Variants in CDIN1 observed in about 807,000 individuals in gnomAD.
The protein encoded by CDIN1 is CDAN1-interacting nuclease 1.
Under a neutral mutation model 45.3 loss-of-function variants are expected in CDIN1, and 33 were observed. The observed-to-expected ratio is 0.73, with a 90% CI of 0.55 to 0.97. The LOEUF is 0.97. Among genes scored for constraint, CDIN1 ranks in the 50% least tolerant of loss-of-function variants. The probability of loss-of-function intolerance (pLI) is 0.00; values close to 1 mark genes in which losing one functional copy is unlikely to be tolerated. For synonymous variants in CDIN1, 118 were observed against 124.4 expected (o/e 0.95, Z 0.34); for missense variants, 303 against 339.4 (o/e 0.89, Z 0.84).
At position 36,776,898 on chromosome 15, in the gene CDIN1, C is replaced by T. The variant is rs1000563885; in HGVS notation, c.717-31426C>T. 5.3e-5 allele frequency among the ~76,000 whole-genome samples: 8 copies of T among 152,150 alleles called. No individual in the cohort carries two copies. In the South Asian group the frequency reaches 8.3e-4, roughly 16 times the overall value. ...AAAACATGAGGTTGTTTTGCCAATTCGCTTTCATTTGGAAATAATTTTTAA... is the reference window on the plus strand; with the variant it reads ...AAAACATGAGGTTGTTTTGCCAATTTGCTTTCATTTGGAAATAATTTTTAA... On this transcript the variant is annotated intron_variant, in intron 10 of 10. Transcript: ENST00000566621.
chr15:36,717,129 C>T (rs2140863835), intron 10 of CDIN1, among the ~76,000 whole-genome samples: 1 of 152,306 alleles, frequency 6.6e-6, no homozygotes, highest in African/African-American at 2.4e-5. Context: ...CATTTGTTCT[C>T]TGTTCTTCGA....
intron 1 of CDIN1, among the ~76,000 whole-genome samples, chr15:36,582,320 G>A (rs573711476): frequency 6.6e-6 from 1 of 152,334 alleles, no homozygotes; most frequent in South Asian, 2.1e-4. Context: ...TTGATATGAA[G>A]TATATGTGCT....
chr15:36,747,654 T>A (rs1363487469), intron 10 of CDIN1, among the ~76,000 whole-genome samples: 2 of 152,054 alleles, frequency 1.3e-5, no homozygotes, highest in African/African-American at 2.4e-5. Context: ...CACTAATCAG[T>A]GGGTTGAGTA....
chr15:36,695,359 C>G (rs995168223), intron 7 of CDIN1, among the ~76,000 whole-genome samples: 1 of 152,074 alleles, frequency 6.6e-6, no homozygotes, highest in Admixed American at 6.6e-5. Flanking sequence ...ATAATTATTA[C>G]CAAATGCAAA....
chr15:36,613,497 C>T (rs919521871), intron 1 of CDIN1: 60 of 1,547,796 alleles, frequency 3.9e-5, no homozygotes, highest in Middle Eastern at 2.3e-4. Flanking sequence ...ACCATCAAGG[C>T]GGTGAAGCGC....
intron 3 of CDIN1, among the ~76,000 whole-genome samples, chr15:36,653,329 T>C (rs1335556809): frequency 1.3e-5 from 2 of 151,426 alleles, no homozygotes; most frequent in East Asian, 3.9e-4. Flanking sequence ...GCTGGCAGAG[T>C]AGAGTAGGTA....
rs564155831 is a variant in CDIN1 at position 36,639,655 on chromosome 15, G to T, written c.102-4623G>T. Among the ~76,000 whole-genome samples, 3 of 152,224 alleles carry T rather than the reference G, an allele frequency of 2.0e-5. No homozygotes were observed. In the Middle Eastern group the frequency reaches 0.01, roughly 518 times the overall value. Reference sequence around the variant, plus strand: ...CAACTGTTTACACAGCATTTACACTGTAGTAGGTATTATCAGTAATCAAGA... The same window carrying T: ...CAACTGTTTACACAGCATTTACACTTTAGTAGGTATTATCAGTAATCAAGA... On this transcript the variant is annotated intron_variant, in intron 1 of 10. Transcript: ENST00000566621.
At chr15:36,677,601 C>T (rs1184406438) in intron 5 of CDIN1, among the ~76,000 whole-genome samples, 1 of 152,108 alleles carries the variant, frequency 6.6e-6, no homozygotes, top group Non-Finnish European at 1.5e-5. Flanking sequence ...TTTCAGCATC[C>T]TGATCAATCT....
At chr15:36,773,323 C>CA (rs1359754900) in intron 10 of CDIN1, among the ~76,000 whole-genome samples, 1 of 152,144 alleles carries the variant, frequency 6.6e-6, no homozygotes, top group Non-Finnish European at 1.5e-5. Context: ...GAACATTCTG[C>CA]AATAATGGAA....
chr15:36,589,729 C>T (rs2037483994), intron 1 of CDIN1, among the ~76,000 whole-genome samples: 2 of 152,194 alleles, frequency 1.3e-5, no homozygotes, highest in African/African-American at 2.4e-5. Context: ...TGGTCTCGAT[C>T]TCCTGACCTC....
At position 36,645,249 on chromosome 15, in the gene CDIN1, ACAT is replaced by A. The variant is rs781569831; in HGVS notation, c.178_180del (p.His60del). 7 of 1,553,196 alleles carry A rather than the reference ACAT, an allele frequency of 4.5e-6. No homozygotes were observed. In the African/African-American group the frequency reaches 8.2e-5, roughly 18 times the overall value. On this transcript the variant is annotated inframe_deletion, in exon 3 of 11. Coordinates refer to ENST00000566621, the MANE Select transcript of CDIN1 (RefSeq NM_001321759.2). The stretch of plus-strand genomic sequence containing the variant: ...AACACATTAAAAGAACACATGCCAA[ACAT>A]CATACTTCGGAAGCAATTGAAAGTT...
intron 5 of CDIN1, among the ~76,000 whole-genome samples, chr15:36,679,016 T>C (rs756566002): frequency 6.6e-6 from 1 of 152,220 alleles, no homozygotes; most frequent in Non-Finnish European, 1.5e-5. Flanking sequence ...AATTCTTCTA[T>C]TATGTCGTTA....
chr15:36,599,708 G>A (rs904520293), intron 1 of CDIN1, among the ~76,000 whole-genome samples: 2 of 152,170 alleles, frequency 1.3e-5, no homozygotes, highest in African/African-American at 4.8e-5. Context: ...GTGGGTTGGG[G>A]CAGGGATAAG....
intron 5 of CDIN1, among the ~76,000 whole-genome samples, chr15:36,675,936 CAT>C (rs1344796150): frequency 6.6e-6 from 1 of 152,046 alleles, no homozygotes; most frequent in Non-Finnish European, 1.5e-5. Flanking sequence ...TTGTTTGACA[CAT>C]AGAATTTTGA....
At chr15:36,686,806 G>C (rs1299874191) in intron 5 of CDIN1, among the ~76,000 whole-genome samples, 1 of 144,626 alleles carries the variant, frequency 6.9e-6, no homozygotes, top group Non-Finnish European at 1.5e-5. Flanking sequence ...GAAGGATGGA[G>C]GGAGGGAGAG....
chr15:36,629,174 G>T (rs1254497270), intron 1 of CDIN1, among the ~76,000 whole-genome samples: 4 of 152,158 alleles, frequency 2.6e-5, no homozygotes, highest in African/African-American at 7.2e-5. Context: ...ATAAATTTCT[G>T]TTATTTTAAT....
intron 10 of CDIN1, among the ~76,000 whole-genome samples, chr15:36,780,430 C>G (rs944246947): frequency 2.0e-5 from 3 of 152,130 alleles, no homozygotes; most frequent in Non-Finnish European, 2.9e-5. Context: ...ATCCATTGTA[C>G]TATAATTGAA....
chr15:36,783,035 A>G (rs1399662673), intron 10 of CDIN1, among the ~76,000 whole-genome samples: 3 of 152,194 alleles, frequency 2.0e-5, no homozygotes, highest in African/African-American at 4.8e-5. Flanking sequence ...CTTTTATGCC[A>G]TTCATTGGGA....
rs539047417 is a variant in CDIN1 at position 36,663,951 on chromosome 15, A to C, written c.346+6046A>C. On this transcript the variant is annotated intron_variant, in intron 5 of 10. Transcript: ENST00000566621. The stretch of plus-strand genomic sequence containing the variant: ...GTTGAAGTAAGGTAATTCTGAGTGT[A>C]GTGAGAAAGACCAACTAATAAGCTA... Among the ~76,000 whole-genome samples, 27 of 152,346 alleles carry C rather than the reference A, an allele frequency of 1.8e-4. No individual in the cohort carries two copies. In the South Asian group the frequency reaches 2.7e-3, roughly 15 times the overall value.
Sources: allele counts gnomAD v4.1 joint callset (sites outside exome capture counted in the v4.1 genomes callset), GRCh38; gene constraint gnomAD v4.1.1; transcripts MANE v1.5; gene names NCBI Gene and HGNC (gene_info 2026-07-23, HGNC 2026-07-21).